Variants in ACACA observed in about 807,000 individuals in gnomAD.
ACACA encodes the protein acetyl-CoA carboxylase alpha, also known as acetyl-CoA carboxylase 1.
In ACACA, 103 loss-of-function variants were observed where a neutral mutation model predicts 296.1. That is an observed-to-expected ratio of 0.35 (90% CI 0.30 to 0.41). ACACA has a LOEUF of 0.41. Among genes scored for constraint, ACACA ranks in the 10% least tolerant of loss-of-function variants. The pLI, the probability that ACACA is intolerant of heterozygous loss-of-function variation, is 1.00. For synonymous variants in ACACA, 953 were observed against 1,038.6 expected, an observed-to-expected ratio of 0.92 and a Z score of 1.58; for missense variants, 1,554 against 2,989.7, an observed-to-expected ratio of 0.52 and a Z score of 11.20.
chr17:37,388,629 A>C, intron 1 of ACACA: 2 of 1,591,746 alleles, frequency 1.3e-6, no homozygotes, highest in Non-Finnish European at 1.7e-6. Flanking sequence ...TCCTCTCTCA[A>C]ATTTTCTTTT....
At chr17:37,114,140 G>A (rs2074117681) in intron 50 of ACACA, among the ~76,000 whole-genome samples, 1 of 151,582 alleles carries the variant, frequency 6.6e-6, no homozygotes, top group Non-Finnish European at 1.5e-5. Flanking sequence ...CCATGATCTT[G>A]CCACTGCACT....
intron 47 of ACACA, among the ~76,000 whole-genome samples, chr17:37,127,836 C>A (rs1433832761): frequency 7.0e-6 from 1 of 143,316 alleles, no homozygotes; most frequent in African/African-American, 2.6e-5. Context: ...GAGTGAGACT[C>A]CGCCTCAAAA....
intron 42 of ACACA, among the ~76,000 whole-genome samples, chr17:37,159,382 C>T (rs2076376818): frequency 6.6e-6 from 1 of 152,066 alleles, no homozygotes; most frequent in Middle Eastern, 3.4e-3. Flanking sequence ...CTACCATGAC[C>T]AGCTAATTTT....
chr17:37,376,609 G>A (rs771739527), intron 1 of ACACA, among the ~76,000 whole-genome samples: 1 of 152,124 alleles, frequency 6.6e-6, no homozygotes, highest in Non-Finnish European at 1.5e-5. Context: ...TTTGGTAACT[G>A]CTTATTTAAA....
chr17:37,376,673 G>A (rs781484243), intron 1 of ACACA, among the ~76,000 whole-genome samples: 1 of 152,124 alleles, frequency 6.6e-6, no homozygotes, highest in Non-Finnish European at 1.5e-5. Flanking sequence ...AGCTAATCAA[G>A]GCTGGGCACG....
chr17:37,335,901 C>T (rs1015234425), intron 2 of ACACA, among the ~76,000 whole-genome samples: 2 of 151,942 alleles, frequency 1.3e-5, no homozygotes, highest in South Asian at 4.2e-4. Flanking sequence ...TTAATCAATC[C>T]GGAATCATCA....
At chr17:37,355,546 ACT>A in intron 1 of ACACA, among the ~76,000 whole-genome samples, 1 of 151,048 alleles carries the variant, frequency 6.6e-6, no homozygotes, top group East Asian at 1.9e-4. Flanking sequence ...ACAGAGTGAG[ACT>A]CTGTCTCAAA....
At chr17:37,261,536 C>T (rs1344137770) in intron 11 of ACACA, among the ~76,000 whole-genome samples, 1 of 152,212 alleles carries the variant, frequency 6.6e-6, no homozygotes, top group Non-Finnish European at 1.5e-5. Flanking sequence ...AATCCTGCAC[C>T]AGCAGGAAGT....
In ACACA at chr17:37,179,319, G is replaced by T. The variant is rs765118811; in HGVS notation, c.5020C>A (p.Leu1674Met). 5 of 1,614,032 alleles carry T rather than the reference G, an allele frequency of 3.1e-6. No homozygotes were observed. The highest frequency in any genetic ancestry group is 4.2e-6 in the Non-Finnish European group (5 of 1,180,040). Residue 1674 changes from leucine to methionine, a missense_variant, in exon 41 of 56, where the codon CTG becomes ATG. Transcript: ENST00000616317. Reference sequence around the variant, plus strand: ...AGCTGACCTTGATCATCCAGTACCAGTTCAGTGTAAGTCAGCATGTCAGAA... The same window carrying T: ...AGCTGACCTTGATCATCCAGTACCATTTCAGTGTAAGTCAGCATGTCAGAA... ...LPSDMLTYTELVLDDQGQLVH... is the reference protein window; with the variant it reads ...LPSDMLTYTEMVLDDQGQLVH...
At chr17:37,356,748 G>T (rs1187749805) in intron 1 of ACACA, among the ~76,000 whole-genome samples, 1 of 151,994 alleles carries the variant, frequency 6.6e-6, no homozygotes, top group African/African-American at 2.4e-5. Context: ...ATTACAAAAG[G>T]ATTCTCTTCT....
chr17:37,340,902 TAAAA>T (rs1568021753), intron 1 of ACACA, among the ~76,000 whole-genome samples: 7 of 152,016 alleles, frequency 4.6e-5, no homozygotes, highest in Admixed American at 4.6e-4. Flanking sequence ...TCTGTAAAAA[TAAAA>T]AAGAAAGTCT....
intron 3 of ACACA, among the ~76,000 whole-genome samples, chr17:37,321,766 A>ATAAT (rs2047369146): frequency 6.6e-6 from 1 of 151,294 alleles, no homozygotes; most frequent in African/African-American, 2.4e-5. Context: ...AAATAAATAA[A>ATAAT]TAATTAAAAA....
intron 39 of ACACA, among the ~76,000 whole-genome samples, chr17:37,185,402 CTTTTTTTTTTTTTTT>C (rs67821579): frequency 5.6e-4 from 27 of 48,440 alleles, no homozygotes; most frequent in Admixed American, 8.7e-4. Context: ...CTGGCTATTT[CTTTTTTTTTTTTTTT>C]TTTTTTTTTT....
At position 37,243,553 on chromosome 17, in the gene ACACA, C is replaced by G. The variant is rs17848759; in HGVS notation, c.2749G>C (p.Asp917His). 1.2e-3 allele frequency: 1,892 copies of G among 1,613,910 alleles called. 38 individuals are homozygous for G. The East Asian group carries it at 0.034, about 29-fold the overall frequency. Residue 917 changes from aspartate (D) to histidine (H), a missense_variant, in exon 22 of 56, where the codon GAC becomes CAC. This residue lies in a region of ACACA where 316 missense variants were observed against 540.9 expected (regional missense o/e 0.58). Coordinates refer to ENST00000616317, the MANE Select transcript of ACACA (RefSeq NM_198834.3). Reference protein sequence around the residue: ...PDPFFSSKVKDWVERLMKTLR... With the variant: ...PDPFFSSKVKHWVERLMKTLR... ...GTTTTCATCAATCGCTCTACCCAGT[C>G]TTTTACCTAGAAAGAAAGCATTGGT...
chr17:37,147,799 CTTTTG>C (rs1167245960), intron 45 of ACACA, among the ~76,000 whole-genome samples: 3 of 152,138 alleles, frequency 2.0e-5, no homozygotes, highest in Non-Finnish European at 2.9e-5. Flanking sequence ...TGTAACTAAG[CTTTTG>C]TTTTAACAAG....
chr17:37,373,356 T>A (rs759959987), intron 1 of ACACA, among the ~76,000 whole-genome samples: 10 of 152,028 alleles, frequency 6.6e-5, no homozygotes, highest in Non-Finnish European at 1.5e-4. Flanking sequence ...CAAATGATTC[T>A]CCTGTCTCAG....
At chr17:37,096,906 G>T in intron 54 of ACACA, 90 bp downstream of exon 54, 1 of 1,486,110 alleles carries the variant, frequency 6.7e-7, no homozygotes, top group Non-Finnish European at 9.4e-7. Flanking sequence ...TGCCCTTAGA[G>T]GCCTGTGGAC....
At chr17:37,161,407 T>C (rs1567742274) in intron 42 of ACACA, among the ~76,000 whole-genome samples, 1 of 151,970 alleles carries the variant, frequency 6.6e-6, no homozygotes, top group Admixed American at 6.6e-5. Flanking sequence ...AACAAGGAGG[T>C]TGGAGCAGAA....
intron 35 of ACACA, among the ~76,000 whole-genome samples, chr17:37,197,635 G>T (rs1194656460): frequency 3.9e-5 from 6 of 152,180 alleles, no homozygotes; most frequent in Admixed American, 3.3e-4. Flanking sequence ...ATCAGCAAAA[G>T]AACTCACAGC....
Sources: allele counts gnomAD v4.1 joint callset (sites outside exome capture counted in the v4.1 genomes callset), GRCh38; gene constraint gnomAD v4.1.1; regional missense constraint gnomAD v4.1.1; transcripts MANE v1.5; gene names NCBI Gene and HGNC (gene_info 2026-07-23, HGNC 2026-07-21).